The following AUTS2 variants were observed in gnomAD, a reference collection of about 807,000 sequenced individuals.
AUTS2 encodes the protein activator of transcription and developmental regulator AUTS2.
Under a neutral mutation model 112.4 loss-of-function variants are expected in AUTS2, and 17 were observed. That is an observed-to-expected ratio of 0.15 (90% confidence interval 0.10 to 0.23). The LOEUF (loss-of-function observed/expected upper bound fraction) is 0.23. Ranked by LOEUF, AUTS2 falls within the 10% of genes least tolerant of loss-of-function variation. The pLI is 1.00. For missense variants in AUTS2, 1,510 were observed against 1,701.6 expected, an observed-to-expected ratio of 0.89 and a Z score of 1.98; for synonymous variants, 751 against 702.7, an observed-to-expected ratio of 1.07 and a Z score of -1.09.
At chr7:70,684,351 T>G (rs534609111) in intron 5 of AUTS2, among the ~76,000 whole-genome samples, 60 of 152,278 alleles carry the variant, frequency 3.9e-4, no homozygotes, top group Non-Finnish European at 7.4e-5. Flanking sequence ...AAACTACTTG[T>G]ATATCCCAGG....
chr7:70,217,871 G>T (rs1811255067), intron 4 of AUTS2, among the ~76,000 whole-genome samples: 1 of 152,196 alleles, frequency 6.6e-6, no homozygotes, highest in Non-Finnish European at 1.5e-5. Flanking sequence ...GTGATTTTTT[G>T]TAAGAGGTTG....
chr7:69,792,232 G>GTTTTTTTTTTTTTTTTTTT (rs148860619), intron 1 of AUTS2, among the ~76,000 whole-genome samples: 1 of 146,752 alleles, frequency 6.8e-6, no homozygotes. Flanking sequence ...TTAAGTTGTT[G>GTTTTTTTTTTTTTTTTTTT]TTTTTTTTTT....
intron 1 of AUTS2, among the ~76,000 whole-genome samples, chr7:69,629,383 G>C (rs912855370): frequency 9.2e-5 from 14 of 152,166 alleles, no homozygotes; most frequent in African/African-American, 3.1e-4. Context: ...GACAGACCTT[G>C]CTAGCTCTCA....
intron 4 of AUTS2, among the ~76,000 whole-genome samples, chr7:70,371,104 G>C (rs1441701865): frequency 6.6e-6 from 1 of 152,168 alleles, no homozygotes; most frequent in Non-Finnish European, 1.5e-5. Flanking sequence ...ATGTTCCATG[G>C]AAATGAATAA....
At chr7:69,962,204 T>A (rs1382781837) in intron 2 of AUTS2, among the ~76,000 whole-genome samples, 1 of 152,168 alleles carries the variant, frequency 6.6e-6, no homozygotes, top group Non-Finnish European at 1.5e-5. Flanking sequence ...AAATCCTGGA[T>A]GGGCCTCTTG....
At chr7:70,545,999 A>C (rs1221957706) in intron 5 of AUTS2, among the ~76,000 whole-genome samples, 1 of 152,238 alleles carries the variant, frequency 6.6e-6, no homozygotes, top group Non-Finnish European at 1.5e-5. Flanking sequence ...CCATAACAAT[A>C]AGCTAAAAAC....
At chr7:69,680,141 A>G (rs531454826) in intron 1 of AUTS2, among the ~76,000 whole-genome samples, 1 of 152,250 alleles carries the variant, frequency 6.6e-6, no homozygotes, top group Non-Finnish European at 1.5e-5. Flanking sequence ...GGGTTTAGGC[A>G]TGCTGCCTTA....
At chr7:70,647,136 A>T (rs979324508) in intron 5 of AUTS2, among the ~76,000 whole-genome samples, 2 of 152,148 alleles carry the variant, frequency 1.3e-5, no homozygotes, top group African/African-American at 4.8e-5. Flanking sequence ...CTTGTGTTCC[A>T]TGTTGGAGAA....
intron 4 of AUTS2, among the ~76,000 whole-genome samples, chr7:70,323,767 T>G (rs1356808032): frequency 6.6e-6 from 1 of 152,250 alleles, no homozygotes; most frequent in Non-Finnish European, 1.5e-5. Flanking sequence ...TAATATCATG[T>G]AGCTGTGCTT....
At chr7:70,036,054 G>T (rs917011568) in intron 2 of AUTS2, among the ~76,000 whole-genome samples, 2 of 152,200 alleles carry the variant, frequency 1.3e-5, no homozygotes, top group African/African-American at 4.8e-5. Context: ...AATGGGGGAA[G>T]GGGGGATCCC....
At chr7:70,484,577 C>T (rs893373655) in intron 5 of AUTS2, among the ~76,000 whole-genome samples, 1 of 152,132 alleles carries the variant, frequency 6.6e-6, no homozygotes, top group African/African-American at 2.4e-5. Context: ...ATGCCCTCCC[C>T]AGGGGGCTCC....
chr7:70,781,579 G>A, intron 14 of AUTS2, 36 bp from the exon 15 acceptor site: 1 of 1,610,522 alleles, frequency 6.2e-7, no homozygotes, highest in Non-Finnish European at 8.5e-7. Context: ...CCTTGCTGTT[G>A]GCCTTGGGAC....
At chr7:69,747,740 GTGTGTGTATATGTA>G (rs1472784834) in intron 1 of AUTS2, among the ~76,000 whole-genome samples, 1 of 131,384 alleles carries the variant, frequency 7.6e-6, no homozygotes, top group African/African-American at 3.0e-5. Flanking sequence ...GTGTATGTGT[GTGTGTGTATATGTA>G]TGTGTGTGAC....
chr7:70,770,784 A>G (rs999100841), intron 10 of AUTS2, among the ~76,000 whole-genome samples: 1 of 152,240 alleles, frequency 6.6e-6, no homozygotes, highest in Admixed American at 6.5e-5. Context: ...CAGACTTCAT[A>G]TGTTAATACG....
At chr7:70,724,106 G>A (rs1199729256) in intron 6 of AUTS2, among the ~76,000 whole-genome samples, 1 of 152,144 alleles carries the variant, frequency 6.6e-6, no homozygotes, top group Non-Finnish European at 1.5e-5. Flanking sequence ...TGGCAAGGCT[G>A]GTCTCAAACT....
intron 2 of AUTS2, among the ~76,000 whole-genome samples, chr7:70,097,880 A>C (rs779329228): frequency 2.0e-5 from 3 of 152,230 alleles, no homozygotes; most frequent in Non-Finnish European, 2.9e-5. Flanking sequence ...AAAGCATGGC[A>C]CTCAAATGGG....
chr7:69,680,454 A>G (rs1796741514), intron 1 of AUTS2, among the ~76,000 whole-genome samples: 1 of 152,012 alleles, frequency 6.6e-6, no homozygotes, highest in South Asian at 2.1e-4. Context: ...TATTGTGTTA[A>G]AAAAATATTA....
At chr7:70,722,269 A>T (rs57704072) in intron 6 of AUTS2, among the ~76,000 whole-genome samples, 2,979 of 150,306 alleles carry the variant, frequency 0.02, 100 homozygotes, top group African/African-American at 0.069. Context: ...TTTTTTAATT[A>T]AAAAAAAATT....
intron 4 of AUTS2, among the ~76,000 whole-genome samples, chr7:70,400,113 A>G (rs1794263191): frequency 6.6e-6 from 1 of 152,234 alleles, no homozygotes; most frequent in African/African-American, 2.4e-5. Flanking sequence ...CCTGTGACCA[A>G]GTGTGGATCC....
Sources: allele counts gnomAD v4.1 joint callset (sites outside exome capture counted in the v4.1 genomes callset), GRCh38; gene constraint gnomAD v4.1.1; transcripts MANE v1.5; gene names NCBI Gene and HGNC (gene_info 2026-07-23, HGNC 2026-07-21).